The following MYCBP2 variants were observed in gnomAD, a reference collection of about 807,000 sequenced individuals.
The protein encoded by MYCBP2 is E3 ubiquitin-protein ligase MYCBP2.
Under a neutral mutation model 525.3 loss-of-function variants are expected in MYCBP2, and 120 were observed. The ratio of observed to expected loss-of-function variants is 0.23; its 90% CI spans 0.20 to 0.27. The LOEUF (loss-of-function observed/expected upper bound fraction) is 0.27. Among genes scored for constraint, MYCBP2 ranks in the 10% least tolerant of loss-of-function variants. The pLI is 1.00. For missense variants in MYCBP2, 4,149 were observed against 5,657.1 expected, an observed-to-expected ratio of 0.73 and a Z score of 8.55; for synonymous variants, 1,894 against 1,955.8, an observed-to-expected ratio of 0.97 and a Z score of 0.83.
chr13:77,098,830 T>A lies in MYCBP2; in HGVS notation c.8324A>T (p.Asp2775Val). Residue 2775 changes from aspartate (D) to valine (V), a missense_variant, in exon 56 of 83, where the codon GAT becomes GTT. Physicochemically the swap from Asp to Val is radical, Grantham distance 152 (BLOSUM62 -3). Coordinates refer to ENST00000544440, the MANE Select transcript of MYCBP2 (RefSeq NM_015057.5). Reference protein sequence around the residue: ...SASESLILKSDAAKLRSDSHS... With the variant: ...SASESLILKSVAAKLRSDSHS... ...GGAATCTGACCTCAACTTTGCAGCA[T>A]CAGATTTTAAGATGAGGGATTCACT... The A allele has an allele frequency of 6.2e-7, 1 of 1,613,642 alleles. No homozygotes were observed. The highest frequency in any genetic ancestry group is 8.5e-7 in the Non-Finnish European group (1 of 1,179,742).
chr13:77,104,099 A>T (rs984320494), intron 55 of MYCBP2, among the ~76,000 whole-genome samples: 3 of 152,186 alleles, frequency 2.0e-5, no homozygotes, highest in Non-Finnish European at 4.4e-5. Context: ...ATCTGAATTT[A>T]AAAAAACTCA....
intron 2 of MYCBP2, among the ~76,000 whole-genome samples, chr13:77,294,120 A>ATATG (rs1555465622): frequency 1.5e-5 from 1 of 65,622 alleles, no homozygotes; most frequent in Non-Finnish European, 3.8e-5. Context: ...ATATATATAT[A>ATATG]TATATATATA....
chr13:77,073,892 C>A (rs978708180), intron 68 of MYCBP2, among the ~76,000 whole-genome samples: 1 of 151,918 alleles, frequency 6.6e-6, no homozygotes, highest in Non-Finnish European at 1.5e-5. Context: ...TGTAAGAAAA[C>A]CCCTGATACA....
intron 82 of MYCBP2, among the ~76,000 whole-genome samples, chr13:77,046,115 T>C (rs2035512929): frequency 6.6e-6 from 1 of 152,190 alleles, no homozygotes; most frequent in Non-Finnish European, 1.5e-5. Flanking sequence ...TTGGGGAAGA[T>C]ATGAATTTGT....
At chr13:77,087,944 C>T (rs1466762644) in intron 61 of MYCBP2, among the ~76,000 whole-genome samples, 8 of 151,930 alleles carry the variant, frequency 5.3e-5, no homozygotes, top group Admixed American at 5.2e-4. Context: ...CCACACCCAG[C>T]TGATTTTAAA....
In MYCBP2 at chr13:77,187,698, T is replaced by C. The variant is rs540951124; in HGVS notation, c.4251+1253A>G. 1.4e-4 allele frequency among the ~76,000 whole-genome samples: 22 copies of C among 152,216 alleles called. No homozygotes were observed. The Middle Eastern group carries it at 0.017, about 118-fold the overall frequency. ...AAGTATCGTAAGAAACAAGCAAGCATGTTGTAGAGCATCCTGTATTTGATA... is the reference window on the plus strand; with the variant it reads ...AAGTATCGTAAGAAACAAGCAAGCACGTTGTAGAGCATCCTGTATTTGATA... On this transcript the variant is annotated intron_variant, in intron 30 of 82. Coordinates refer to ENST00000544440, the MANE Select transcript of MYCBP2 (RefSeq NM_015057.5).
chr13:77,082,764 G>A (rs1178017656), intron 63 of MYCBP2, among the ~76,000 whole-genome samples: 1 of 152,064 alleles, frequency 6.6e-6, no homozygotes, highest in East Asian at 1.9e-4. Flanking sequence ...TTTGAGGTAG[G>A]AGACTGGGGA....
At chr13:77,310,928 C>T (rs1372764522) in intron 1 of MYCBP2, among the ~76,000 whole-genome samples, 1 of 152,100 alleles carries the variant, frequency 6.6e-6, no homozygotes, top group East Asian at 1.9e-4. Context: ...CCTATTTTCC[C>T]CACTGTTTAC....
intron 2 of MYCBP2, among the ~76,000 whole-genome samples, chr13:77,294,352 C>T (rs2077948123): frequency 6.6e-6 from 1 of 151,446 alleles, no homozygotes; most frequent in Non-Finnish European, 1.5e-5. Context: ...CCCAAACATC[C>T]AGCATAATGC....
At chr13:77,270,863 A>G (rs1227016293) in intron 5 of MYCBP2, among the ~76,000 whole-genome samples, 1 of 151,826 alleles carries the variant, frequency 6.6e-6, no homozygotes, top group Admixed American at 6.6e-5. Flanking sequence ...TTCTCGATCC[A>G]TGTTTCTTAT....
At position 77,191,711 on chromosome 13, in the gene MYCBP2, A is replaced by C; in HGVS notation, c.4038T>G (p.Ser1346=). 4.3e-6 allele frequency: 7 copies of C among 1,614,040 alleles called. No individual in the cohort carries two copies. Among genetic ancestry groups the C allele is most frequent in the Non-Finnish European group, 5.9e-6 (7 of 1,179,958 alleles). Residue 1346 remains serine, a synonymous_variant, in exon 28 of 83, where the codon TCT becomes TCG. Transcript: ENST00000544440. Reference sequence around the variant, plus strand: ...CTGTGGTAATAGATGCCTGTCCATGAGATCCACAGTCACTGCTGGGTCCTG... The same window carrying C: ...CTGTGGTAATAGATGCCTGTCCATGCGATCCACAGTCACTGCTGGGTCCTG... ...RVSGPSSDCG[S]HGQASITTDD...
chr13:77,201,162 G>A (rs1202817858), intron 26 of MYCBP2, among the ~76,000 whole-genome samples: 3 of 151,712 alleles, frequency 2.0e-5, no homozygotes, highest in Non-Finnish European at 2.9e-5. Flanking sequence ...CACGTGCAGA[G>A]ACGCATATAG....
At chr13:77,165,566 C>T (rs1175488948) in intron 41 of MYCBP2, among the ~76,000 whole-genome samples, 175 bp from the exon 42 acceptor site, 2 of 152,124 alleles carry the variant, frequency 1.3e-5, no homozygotes, top group Non-Finnish European at 2.9e-5. Flanking sequence ...CTTGAGGAAA[C>T]TGTACCAAAA....
At chr13:77,319,796 G>A (rs1037394924) in intron 1 of MYCBP2, among the ~76,000 whole-genome samples, 5 of 152,138 alleles carry the variant, frequency 3.3e-5, no homozygotes, top group African/African-American at 7.2e-5. Context: ...CACCAGAATC[G>A]ATTCTCATTG....
chr13:77,102,433 G>A (rs2047209281), intron 55 of MYCBP2, among the ~76,000 whole-genome samples: 1 of 151,480 alleles, frequency 6.6e-6, no homozygotes, highest in South Asian at 2.1e-4. Flanking sequence ...GTTAGGCATT[G>A]CTGTAAAAGT....
chr13:77,264,056 T>G (rs1594458643), intron 8 of MYCBP2, 54 bp from the exon 9 acceptor site: 1 of 1,433,852 alleles, frequency 7.0e-7, no homozygotes, highest in South Asian at 1.2e-5. Flanking sequence ...CCTTGCAAAA[T>G]GAATTTACTC....
intron 33 of MYCBP2, among the ~76,000 whole-genome samples, chr13:77,180,709 G>T (rs1396778704): frequency 6.6e-6 from 1 of 152,154 alleles, no homozygotes; most frequent in Non-Finnish European, 1.5e-5. Context: ...GAGGCCAGGA[G>T]TTTGAGACCA....
chr13:77,303,958 G>A (rs1279392166), intron 1 of MYCBP2, among the ~76,000 whole-genome samples: 2 of 152,136 alleles, frequency 1.3e-5, no homozygotes. Flanking sequence ...GAAAAGATTA[G>A]TATACATAAC....
At chr13:77,270,642 G>A (rs1301795880) in intron 5 of MYCBP2, 104 bp from the exon 6 acceptor site, 16 of 1,197,266 alleles carry the variant, frequency 1.3e-5, no homozygotes, top group Non-Finnish European at 1.8e-5. Flanking sequence ...ACAATAAATT[G>A]TTCAGAATGA....
Sources: allele counts gnomAD v4.1 joint callset (sites outside exome capture counted in the v4.1 genomes callset), GRCh38; gene constraint gnomAD v4.1.1; transcripts MANE v1.5; gene names NCBI Gene and HGNC (gene_info 2026-07-23, HGNC 2026-07-21).